Variants in COG2 observed in about 807,000 individuals in gnomAD.
COG2 encodes component of oligomeric golgi complex 2.
Under a neutral mutation model 90.6 loss-of-function variants are expected in COG2, and 52 were observed. The ratio of observed to expected loss-of-function variants is 0.57; its 90% CI spans 0.46 to 0.72. The LOEUF (loss-of-function observed/expected upper bound fraction) is 0.72. COG2 is among the 30% of genes least tolerant of loss of function. The pLI is 0.00. For synonymous variants in COG2, 337 were observed against 320.4 expected (o/e 1.05, Z -0.55); for missense variants, 829 against 891.2 (o/e 0.93, Z 0.89).
At chr1:230,693,164 A>T in intron 17 of COG2, 128 bp from the exon 18 acceptor site, 1 of 574,696 alleles carries the variant, frequency 1.7e-6, no homozygotes, top group South Asian at 2.5e-5. Context: ...TAGAGGAAAA[A>T]ATATCCTACA....
intron 12 of COG2, 111 bp downstream of exon 12, chr1:230,685,347 A>T: frequency 9.2e-7 from 1 of 1,091,464 alleles, no homozygotes; most frequent in Admixed American, 2.3e-5. Context: ...AATTCAGAGG[A>T]CCACAGTAGT....
intron 1 of COG2, among the ~76,000 whole-genome samples, chr1:230,658,769 G>A (rs1027240278): frequency 6.6e-6 from 1 of 152,278 alleles, no homozygotes; most frequent in Middle Eastern, 3.4e-3. Context: ...GAGAAATCTG[G>A]TAGTCTGGCC....
In COG2 at chr1:230,642,508, C is replaced by A. The variant is rs1167457212; in HGVS notation, c.-99C>A. On this transcript the variant is annotated 5_prime_UTR_variant, in exon 1 of 18. Coordinates refer to ENST00000366669, the MANE Select transcript of COG2 (RefSeq NM_007357.3). ...GTTGGCGGAAGCGGACCCCCCTGTGCCGTGGAAACTGGCGGTGGCCGCGGC... is the reference window on the plus strand; with the variant it reads ...GTTGGCGGAAGCGGACCCCCCTGTGACGTGGAAACTGGCGGTGGCCGCGGC... 2 of 1,198,174 alleles carry A rather than the reference C, an allele frequency of 1.7e-6. No homozygotes were observed. Among genetic ancestry groups the A allele is most frequent in the Non-Finnish European group, 1.2e-6 (1 of 833,726 alleles). 74.2% of individuals were successfully genotyped at this position (1,198,174 alleles called of 1,614,324 possible). A position where few individuals can be genotyped will look rare whatever the true frequency, so the allele number is the denominator to read the frequency against.
At chr1:230,664,395 A>G (rs1662263797) in intron 4 of COG2, 89 bp from the exon 5 acceptor site, 2 of 487,370 alleles carry the variant, frequency 4.1e-6, no homozygotes, top group Non-Finnish European at 3.5e-6. Flanking sequence ...TTGACTTTTG[A>G]CTTTGTATTT....
chr1:230,683,206 G>A (rs1171539005), intron 10 of COG2: 2 of 185,678 alleles, frequency 1.1e-5, no homozygotes, highest in Admixed American at 1.1e-4. Context: ...AAGATAGATG[G>A]GTTGGAGGAA....
At chr1:230,646,516 T>A (rs1458129437) in intron 1 of COG2, among the ~76,000 whole-genome samples, 1 of 152,130 alleles carries the variant, frequency 6.6e-6, no homozygotes, top group Non-Finnish European at 1.5e-5. Context: ...CTGTGCACTT[T>A]CCGCAGGTGA....
rs2102753570 is a variant in COG2 at position 230,664,468 on chromosome 1, T to A, written c.382-16T>A. 1 of 1,167,110 alleles carries A rather than the reference T, an allele frequency of 8.6e-7. No homozygotes were observed. The highest frequency in any genetic ancestry group is 1.5e-5 in the South Asian group (1 of 64,704). 72.3% of individuals were successfully genotyped at this position (1,167,110 alleles called of 1,614,324 possible). On this transcript the variant is annotated splice_polypyrimidine_tract_variant and intron_variant, in intron 4 of 17. Coordinates refer to ENST00000366669, the MANE Select transcript of COG2 (RefSeq NM_007357.3). ...TAAACATGACAATAACTTTTTTCCTTAATTTTTATTTATAGATGTGTGTAT... is the reference window on the plus strand; with the variant it reads ...TAAACATGACAATAACTTTTTTCCTAAATTTTTATTTATAGATGTGTGTAT...
chr1:230,665,399 T>C (rs1207456881), intron 5 of COG2, among the ~76,000 whole-genome samples: 1 of 152,206 alleles, frequency 6.6e-6, no homozygotes, highest in African/African-American at 2.4e-5. Context: ...ATAGCCATCA[T>C]ACTTTTCCTT....
chr1:230,666,273 G>T (rs1391535986), intron 5 of COG2, among the ~76,000 whole-genome samples: 1 of 152,042 alleles, frequency 6.6e-6, no homozygotes, highest in African/African-American at 2.4e-5. Flanking sequence ...CACTAACGAG[G>T]CTAGACATCT....
At position 230,676,836 on chromosome 1, in the gene COG2, T is replaced by A. The variant is rs59877755; in HGVS notation, c.1026+1712T>A. On this transcript the variant is annotated intron_variant, in intron 9 of 17. Transcript: ENST00000366669. Reference sequence around the variant, plus strand: ...AGAATTCTCAGCACTTTGAGTGTTGTCTTTTGAGTTGCATTATTAAGTTAG... The same window carrying A: ...AGAATTCTCAGCACTTTGAGTGTTGACTTTTGAGTTGCATTATTAAGTTAG... 4.7e-3 allele frequency among the ~76,000 whole-genome samples: 713 copies of A among 152,314 alleles called. 6 individuals are homozygous for A. The highest frequency in any genetic ancestry group is 0.016 in the African/African-American group (664 of 41,572).
At chr1:230,683,747 A>G (rs1458261346) in intron 11 of COG2, 112 bp downstream of exon 11, 9 of 687,384 alleles carry the variant, frequency 1.3e-5, no homozygotes, top group Non-Finnish European at 2.2e-5. Context: ...TTTTTTTTTA[A>G]TCATACAGTA....
At chr1:230,691,834 G>A (rs759586552) in intron 17 of COG2, 23 of 375,958 alleles carry the variant, frequency 6.1e-5, no homozygotes, top group Non-Finnish European at 9.6e-5. Flanking sequence ...TGCTCACGGA[G>A]CTCACTACAG....
In COG2 at chr1:230,660,802, A is replaced by G. The variant is rs748979981; in HGVS notation, c.279A>G (p.Gly93=). Residue 93 remains glycine (G), a synonymous_variant, in exon 3 of 18, where the codon GGA becomes GGG. Coordinates refer to ENST00000366669, the MANE Select transcript of COG2 (RefSeq NM_007357.3). ...KALNQLSVPL[G]QLREEVLSLR... ...TCAACCAGCTTTCTGTGCCTTTGGGACAATTACGAGAAGAGGTTCTGGTAA... is the reference window on the plus strand; with the variant it reads ...TCAACCAGCTTTCTGTGCCTTTGGGGCAATTACGAGAAGAGGTTCTGGTAA... 1.0e-5 allele frequency: 16 copies of G among 1,586,216 alleles called. No individual in the cohort carries two copies. The highest frequency in any genetic ancestry group is 1.4e-5 in the Non-Finnish European group (16 of 1,167,868).
chr1:230,686,860 C>T (rs1017381604), intron 12 of COG2, 75 bp from the exon 13 acceptor site: 9 of 878,670 alleles, frequency 1.0e-5, no homozygotes, highest in African/African-American at 5.1e-5. Context: ...GTTATTGACG[C>T]GCACATATGT....
intron 8 of COG2, among the ~76,000 whole-genome samples, chr1:230,673,635 GCTTT>G (rs1224219690): frequency 6.6e-6 from 1 of 152,114 alleles, no homozygotes; most frequent in African/African-American, 2.4e-5. Context: ...TCAATTTTGT[GCTTT>G]CTTTCTCTAG....
At chr1:230,677,637 C>T (rs79976575) in intron 9 of COG2, among the ~76,000 whole-genome samples, 8,904 of 152,222 alleles carry the variant, frequency 0.058, 569 homozygotes, top group African/African-American at 0.16. Flanking sequence ...AATGTGAAGA[C>T]GCTTTACAAT....
chr1:230,693,051 G>T (rs1370674114), intron 17 of COG2, among the ~76,000 whole-genome samples: 1 of 151,962 alleles, frequency 6.6e-6, no homozygotes, highest in South Asian at 2.1e-4. Context: ...CTTTTATTCT[G>T]TCTGATTTGA....
At chr1:230,658,392 G>C (rs1662112128) in intron 1 of COG2, among the ~76,000 whole-genome samples, 12 of 152,180 alleles carry the variant, frequency 7.9e-5, no homozygotes, top group Admixed American at 7.9e-4. Context: ...CTGCAGAACA[G>C]CAAAGATTGC....
chr1:230,652,330 C>A (rs1303859087), intron 1 of COG2, among the ~76,000 whole-genome samples: 1 of 152,176 alleles, frequency 6.6e-6, no homozygotes, highest in Non-Finnish European at 1.5e-5. Flanking sequence ...AGATTGACTT[C>A]TTTCACTTAG....
Sources: gnomAD v4.1 joint callset for allele counts (sites outside exome capture counted in the v4.1 genomes callset) on GRCh38, gnomAD v4.1.1 for gene constraint, MANE v1.5 for transcripts, NCBI Gene and HGNC (gene_info 2026-07-23, HGNC 2026-07-21) for gene names.